ATP9A: variants seen among roughly 807,000 people sequenced by gnomAD.
ATP9A encodes the protein probable phospholipid-transporting ATPase IIA.
In ATP9A, 52 loss-of-function variants were observed where a neutral mutation model predicts 144.1. The observed-to-expected ratio is 0.36, with a 90% CI of 0.29 to 0.45. The LOEUF is 0.45. ATP9A is among the 20% of genes least tolerant of loss of function. The pLI, the probability that ATP9A is intolerant of heterozygous loss-of-function variation, is 1.00. For missense variants in ATP9A, 947 were observed against 1,392.7 expected, an observed-to-expected ratio of 0.68 and a Z score of 5.09; for synonymous variants, 582 against 557.4, an observed-to-expected ratio of 1.04 and a Z score of -0.62.
intron 3 of ATP9A, among the ~76,000 whole-genome samples, chr20:51,721,141 G>A (rs939319213): frequency 3.3e-5 from 5 of 152,228 alleles, no homozygotes; most frequent in African/African-American, 7.2e-5. Context: ...CTGATAACAT[G>A]GCACGTACGG....
chr20:51,768,025 TG>T (rs2077912996), intron 1 of ATP9A, among the ~76,000 whole-genome samples: 1 of 151,790 alleles, frequency 6.6e-6, no homozygotes, highest in South Asian at 2.1e-4. Flanking sequence ...TAAACAGCAC[TG>T]GGGCGGGCCC....
At chr20:51,680,197 G>A (rs890404129) in intron 9 of ATP9A, among the ~76,000 whole-genome samples, 7 of 142,176 alleles carry the variant, frequency 4.9e-5, no homozygotes, top group South Asian at 4.4e-4. Context: ...ACCACTGCAC[G>A]CCAGCCTGAG....
intron 4 of ATP9A, among the ~76,000 whole-genome samples, chr20:51,711,243 C>A (rs1240273751): frequency 6.6e-6 from 1 of 152,128 alleles, no homozygotes; most frequent in Non-Finnish European, 1.5e-5. Flanking sequence ...TTTTTAAGAC[C>A]ACCAACCACG....
At chr20:51,617,651 G>C in intron 21 of ATP9A, 97 bp from the exon 22 acceptor site, 1 of 1,379,556 alleles carries the variant, frequency 7.2e-7, no homozygotes, top group South Asian at 1.2e-5. Context: ...TTCACGGAGC[G>C]CTTGCTGAGT....
intron 9 of ATP9A, among the ~76,000 whole-genome samples, chr20:51,677,059 G>A (rs58421104): frequency 6.7e-6 from 1 of 149,434 alleles, no homozygotes; most frequent in Non-Finnish European, 1.5e-5. Context: ...TCAGCCTCCC[G>A]AGTAGCTGGG....
chr20:51,726,889 CTTTTTTTTTTTTTTTT>C (rs55719132), intron 2 of ATP9A, among the ~76,000 whole-genome samples: 1 of 93,982 alleles, frequency 1.1e-5, no homozygotes, highest in Non-Finnish European at 2.0e-5. Context: ...TGTGTTATTT[CTTTTTTTTTTTTTTTT>C]TTTTTTTTTT....
At position 51,600,994 on chromosome 20, in the gene ATP9A, G is replaced by A. The variant is rs1324582355; in HGVS notation, c.*217C>T. The A allele has an allele frequency of 9.7e-6, 4 of 414,064 alleles. No individual in the cohort carries two copies. Among genetic ancestry groups the A allele is most frequent in the South Asian group, 8.9e-5 (1 of 11,230 alleles). 25.6% of individuals were successfully genotyped at this position (414,064 alleles called of 1,614,324 possible). A position where few individuals can be genotyped will look rare whatever the true frequency, so the allele number is the denominator to read the frequency against. ...TCATATTCACCTAAACATGAAGAAC[G>A]AGGGGTTCAGACAGGCCCAGATGGG... On this transcript the variant is annotated 3_prime_UTR_variant, in exon 28 of 28. Transcript: ENST00000338821.
intron 11 of ATP9A, 23 bp from the exon 12 acceptor site, chr20:51,671,280 C>A (rs376548898): frequency 6.2e-7 from 1 of 1,608,408 alleles, no homozygotes; most frequent in Non-Finnish European, 8.5e-7. Context: ...CCAGAGCAAA[C>A]AGGCTAACAG....
intron 1 of ATP9A, 22 bp from the exon 2 acceptor site, chr20:51,730,000 A>C: frequency 1.3e-6 from 2 of 1,510,704 alleles, no homozygotes; most frequent in Non-Finnish European, 1.8e-6. Flanking sequence ...AAACCCACGC[A>C]TCAAGGCCAC....
At chr20:51,764,442 G>C (rs774071903) in intron 1 of ATP9A, among the ~76,000 whole-genome samples, 28 of 152,208 alleles carry the variant, frequency 1.8e-4, no homozygotes, top group Non-Finnish European at 3.5e-4. Context: ...TTTCTCAAGA[G>C]AGAAAAGAAC....
In ATP9A at chr20:51,727,756, C is replaced by G. The variant is rs369459878; in HGVS notation, c.214-1824G>C. Among the ~76,000 whole-genome samples the G allele has an allele frequency of 2.0e-3, 307 of 151,572 alleles. 1 individual carries two copies. The highest frequency in any genetic ancestry group is 7.0e-3 in the African/African-American group (291 of 41,320). Reference sequence around the variant, plus strand: ...ACCAGCCTGGCCAACATGATGAAACCCTGTCTCTACTAAAAAATAAAAAAA... The same window carrying G: ...ACCAGCCTGGCCAACATGATGAAACGCTGTCTCTACTAAAAAATAAAAAAA... On this transcript the variant is annotated intron_variant, in intron 2 of 27. Transcript: ENST00000338821.
chr20:51,676,027 G>T, intron 10 of ATP9A, 105 bp downstream of exon 10: 1 of 801,090 alleles, frequency 1.2e-6, no homozygotes, highest in Non-Finnish European at 2.1e-6. Flanking sequence ...TAAAATGTCT[G>T]TATAAATATC....
chr20:51,757,080 C>T (rs993748515), intron 1 of ATP9A, among the ~76,000 whole-genome samples: 2 of 152,098 alleles, frequency 1.3e-5, no homozygotes, highest in African/African-American at 4.8e-5. Context: ...GAGGGGATGG[C>T]ACTGGCATCT....
intron 18 of ATP9A, 112 bp from the exon 19 acceptor site, chr20:51,622,284 C>T (rs566793823): frequency 2.4e-6 from 2 of 837,534 alleles, no homozygotes; most frequent in African/African-American, 1.7e-5. Flanking sequence ...GTTCCGTTTA[C>T]CTCCTGCCGA....
At chr20:51,677,311 A>C (rs2077481599) in intron 9 of ATP9A, among the ~76,000 whole-genome samples, 1 of 152,148 alleles carries the variant, frequency 6.6e-6, no homozygotes, top group African/African-American at 2.4e-5. Context: ...TGACCAAAAG[A>C]ACAGTCACTA....
At chr20:51,673,779 G>A (rs2077466002) in intron 11 of ATP9A, among the ~76,000 whole-genome samples, 1 of 152,078 alleles carries the variant, frequency 6.6e-6, no homozygotes, top group Non-Finnish European at 1.5e-5. Context: ...GATGGGCGCG[G>A]TGGCTCACAC....
rs1214031645 is a variant in ATP9A at position 51,608,922 on chromosome 20, C to CGTGTGTGTGTGTGTGTGTGT, written c.2637-316_2637-297dup. On this transcript the variant is annotated intron_variant, in intron 24 of 27. Transcript: ENST00000338821. ...ATATAATGGGGTAGAGGAAATAAGA[C>CGTGTGTGTGTGTGTGTGTGT]GTGTGTGTGTGTGTGTGTGTGTGTG... 1.5e-3 allele frequency among the ~76,000 whole-genome samples: 214 copies of CGTGTGTGTGTGTGTGTGTGT among 142,896 alleles called. 3 individuals carry two copies. The highest frequency in any genetic ancestry group is 2.2e-3 in the African/African-American group (84 of 38,146). 93.7% of individuals were successfully genotyped at this position (142,896 alleles called of 152,430 possible).
At chr20:51,678,657 G>A (rs545534502) in intron 9 of ATP9A, among the ~76,000 whole-genome samples, 3 of 152,272 alleles carry the variant, frequency 2.0e-5, no homozygotes, top group South Asian at 2.1e-4. Context: ...AACCGAGCCC[G>A]GGCTGAGCTT....
chr20:51,688,524 G>T (rs779735757), intron 9 of ATP9A, among the ~76,000 whole-genome samples: 1 of 152,026 alleles, frequency 6.6e-6, no homozygotes, highest in Admixed American at 6.6e-5. Flanking sequence ...CCCGGGGGGC[G>T]GAGGTTACAG....
Sources: gnomAD v4.1 joint callset for allele counts (sites outside exome capture counted in the v4.1 genomes callset) on GRCh38, gnomAD v4.1.1 for gene constraint, MANE v1.5 for transcripts, NCBI Gene and HGNC (gene_info 2026-07-23, HGNC 2026-07-21) for gene names.